Variants in NAV2 observed in about 807,000 individuals in gnomAD.
NAV2 encodes neuron navigator 2, also known as helicase, APC down-regulated 1.
NAV2 carries 54 observed loss-of-function variants against 223.2 expected under a neutral mutation model. The ratio of observed to expected loss-of-function variants is 0.24; its 90% CI spans 0.19 to 0.30. The LOEUF (loss-of-function observed/expected upper bound fraction) is 0.30. NAV2 is among the 10% of genes least tolerant of loss of function. The probability of loss-of-function intolerance (pLI) is 1.00; values close to 1 mark genes in which losing one functional copy is unlikely to be tolerated. For synonymous variants in NAV2, 1,279 were observed against 1,239.3 expected (o/e 1.03, Z -0.67); for missense variants, 2,806 against 3,147.5 (o/e 0.89, Z 2.60).
intron 1 of NAV2, among the ~76,000 whole-genome samples, chr11:19,486,148 A>G (rs1189724587): frequency 6.6e-6 from 1 of 152,168 alleles, no homozygotes; most frequent in East Asian, 1.9e-4. Flanking sequence ...TTTGCCCAGT[A>G]TAGCCTCTGG....
chr11:19,948,830 T>A lies in NAV2; in HGVS notation c.2395T>A (p.Ser799Thr). 6.2e-7 allele frequency: 1 copy of A among 1,613,904 alleles called. No homozygotes were observed. Among genetic ancestry groups the A allele is most frequent in the Non-Finnish European group, 8.5e-7 (1 of 1,179,982 alleles). The change falls in exon 10 of 38, where the codon TCA becomes ACA. Residue 799 changes from serine to threonine, a missense_variant. Ser to Thr is a moderately conservative substitution (Grantham distance 58, BLOSUM62 1). This residue lies in a region of NAV2 where 1,167 missense variants were observed against 1,180.5 expected (regional missense o/e 0.99). Coordinates refer to ENST00000349880, the MANE Select transcript of NAV2 (RefSeq NM_145117.5). Reference sequence around the variant, plus strand: ...TCGGCTCCAAGCAGGAGACGCCCCCTCAATGGGCAATGGGTATCCCCCTCG... The same window carrying A: ...TCGGCTCCAAGCAGGAGACGCCCCCACAATGGGCAATGGGTATCCCCCTCG... ...SPRLQAGDAPSMGNGYPPRAN... is the reference protein window; with the variant it reads ...SPRLQAGDAPTMGNGYPPRAN...
chr11:19,946,955 A>G (rs562583516), intron 9 of NAV2, among the ~76,000 whole-genome samples: 2 of 152,374 alleles, frequency 1.3e-5, no homozygotes, highest in South Asian at 4.1e-4. Flanking sequence ...ATAAAAACTT[A>G]TGATCATGTT....
intron 1 of NAV2, among the ~76,000 whole-genome samples, chr11:19,600,982 C>T (rs2046335841): frequency 6.6e-6 from 1 of 152,148 alleles, no homozygotes; most frequent in South Asian, 2.1e-4. Context: ...TAAAGTGCTC[C>T]ACAGAAGCTT....
intron 1 of NAV2, among the ~76,000 whole-genome samples, chr11:19,479,406 G>A (rs1434722611): frequency 3.3e-5 from 5 of 152,056 alleles, no homozygotes; most frequent in East Asian, 1.9e-4. Flanking sequence ...AGCTGTCATC[G>A]GCAACCATGA....
intron 3 of NAV2, 144 bp from the exon 4 acceptor site, chr11:19,868,781 G>T: frequency 1.4e-6 from 1 of 702,658 alleles, no homozygotes; most frequent in Non-Finnish European, 2.3e-6. Flanking sequence ...TCCTGTGCAA[G>T]TACAGACAAA....
chr11:19,386,042 G>A (rs1590097790), intron 1 of NAV2, among the ~76,000 whole-genome samples: 1 of 152,266 alleles, frequency 6.6e-6, no homozygotes, highest in African/African-American at 2.4e-5. Flanking sequence ...GGGATTACAG[G>A]CGTGAGCCAC....
At chr11:19,945,200 CCCTTTCTTTCCTTT>C (rs1478783560) in intron 8 of NAV2, among the ~76,000 whole-genome samples, 11 of 104,344 alleles carry the variant, frequency 1.1e-4, no homozygotes, top group African/African-American at 2.1e-4. Flanking sequence ...CCCTTCCCTT[CCCTTTCTTTCCTTT>C]CCTTCCTTCT....
intron 11 of NAV2, among the ~76,000 whole-genome samples, chr11:20,013,586 C>T (rs1333593085): frequency 3.3e-5 from 5 of 151,784 alleles, no homozygotes; most frequent in Non-Finnish European, 7.4e-5. Flanking sequence ...AATGAAATAC[C>T]AAAGCTAAGG....
At chr11:19,372,700 T>G (rs1848512854) in intron 1 of NAV2, among the ~76,000 whole-genome samples, 1 of 152,140 alleles carries the variant, frequency 6.6e-6, no homozygotes, top group South Asian at 2.1e-4. Context: ...TATTTCTATG[T>G]GACTGTGGAA....
intron 5 of NAV2, among the ~76,000 whole-genome samples, chr11:19,889,643 C>A (rs889529623): frequency 2.6e-5 from 4 of 152,164 alleles, no homozygotes; most frequent in African/African-American, 9.7e-5. Flanking sequence ...ATGTGCTGCT[C>A]CCATCAAAAG....
At chr11:20,017,311 C>A (rs1354975823) in intron 11 of NAV2, among the ~76,000 whole-genome samples, 1 of 152,172 alleles carries the variant, frequency 6.6e-6, no homozygotes, top group Non-Finnish European at 1.5e-5. Context: ...CACACCCAGC[C>A]TCTCCCTCTG....
intron 3 of NAV2, 135 bp downstream of exon 3, chr11:19,843,058 C>G: frequency 1.4e-6 from 1 of 701,244 alleles, no homozygotes. Context: ...ACAGCTATTT[C>G]CAAGTAGCTG....
intron 1 of NAV2, among the ~76,000 whole-genome samples, chr11:19,387,554 T>C (rs12805966): frequency 0.61 from 92,124 of 151,774 alleles, 30,433 homozygotes; most frequent in Non-Finnish European, 0.72. Flanking sequence ...GAAAAGTATA[T>C]TCTTCCTCAA....
At chr11:20,068,639 A>C (rs2059201227) in intron 22 of NAV2, among the ~76,000 whole-genome samples, 1 of 152,176 alleles carries the variant, frequency 6.6e-6, no homozygotes, top group South Asian at 2.1e-4. Context: ...TAGTATTTAC[A>C]TCTCAGTATT....
chr11:19,879,245 A>T (rs889490320), intron 4 of NAV2, among the ~76,000 whole-genome samples: 4 of 152,218 alleles, frequency 2.6e-5, no homozygotes, highest in African/African-American at 9.7e-5. Flanking sequence ...GAATAAAAAC[A>T]AAAATTTGTT....
intron 1 of NAV2, among the ~76,000 whole-genome samples, chr11:19,362,539 G>A (rs1391941593): frequency 6.6e-6 from 1 of 152,140 alleles, no homozygotes; most frequent in Non-Finnish European, 1.5e-5. Context: ...GGAGTACACA[G>A]ACCTGTTTGG....
rs77815722 is a variant in NAV2, at chr11:19,602,692, G to A, written c.76-229792G>A. Among the ~76,000 whole-genome samples, 682 of 152,240 alleles carry A rather than the reference G, an allele frequency of 4.5e-3. 6 individuals are homozygous for A. The highest frequency in any genetic ancestry group is 0.016 in the African/African-American group (644 of 41,518). On this transcript the variant is annotated intron_variant, in intron 1 of 37. Transcript: ENST00000360655. ...TCTTCCAGCTCTGGTGGCTCCAGGC[G>A]TCTCGTGGCTGTGACAGCATCACTC...
chr11:19,420,111 C>T (rs1353136654), intron 1 of NAV2, among the ~76,000 whole-genome samples: 4 of 152,106 alleles, frequency 2.6e-5, no homozygotes, highest in Non-Finnish European at 5.9e-5. Flanking sequence ...TGTGTTTTTC[C>T]CATGTCACTG....
intron 5 of NAV2, among the ~76,000 whole-genome samples, chr11:19,881,257 C>T (rs570406397): frequency 6.6e-6 from 1 of 152,274 alleles, no homozygotes; most frequent in African/African-American, 2.4e-5. Context: ...AATTAATTAT[C>T]TATTTATATC....
Sources: gnomAD v4.1 joint callset for allele counts (sites outside exome capture counted in the v4.1 genomes callset) on GRCh38, gnomAD v4.1.1 for gene constraint, gnomAD v4.1.1 regional missense constraint, MANE v1.5 for transcripts, NCBI Gene and HGNC (gene_info 2026-07-23, HGNC 2026-07-21) for gene names.